The following POLI variants were observed in gnomAD, a reference collection of about 807,000 sequenced individuals.
POLI encodes the protein DNA polymerase iota.
In POLI, 58 loss-of-function variants were observed where a neutral mutation model predicts 51.6. The observed-to-expected ratio is 1.12, with a 90% CI of 0.91 to 1.40. The LOEUF (loss-of-function observed/expected upper bound fraction) is 1.40. Among genes scored for constraint, POLI ranks in the 40% most tolerant of loss-of-function variants. The pLI is 0.00. For missense variants in POLI, 921 were observed against 871.3 expected (o/e 1.06, Z -0.72); for synonymous variants, 322 against 299.7 (o/e 1.07, Z -0.77).
chr18:54,274,219 G>T, intron 3 of POLI, 129 bp downstream of exon 3: 1 of 437,712 alleles, frequency 2.3e-6, no homozygotes. Context: ...TCTTATTTTG[G>T]GTCTTGTCAA....
Position 54,297,175 on chromosome 18 carries a change from A to C in POLI, c.*2708A>C. 1.0e-6 allele frequency: 1 copy of C among 985,298 alleles called. No homozygotes were observed. The highest frequency in any genetic ancestry group is 1.2e-6 in the Non-Finnish European group (1 of 829,888). The allele number at this position is 985,298 out of a possible 1,614,324, so 61.0% of individuals were successfully genotyped here. ...GTCTCTGCAGGTCAATTCCAAACTA[A>C]CAGGCAGATGCTGTTAGCTATCTGC... On this transcript the variant is annotated 3_prime_UTR_variant, in exon 10 of 10. Transcript: ENST00000579534.
intron 5 of POLI, 74 bp downstream of exon 5, chr18:54,280,977 A>G (rs1418839995): frequency 6.5e-6 from 5 of 764,772 alleles, no homozygotes; most frequent in Non-Finnish European, 8.3e-6. Context: ...TATAGATACA[A>G]TGTAATTAAT....
In POLI at chr18:54,294,575, T is replaced by C; in HGVS notation, c.*108T>C. The stretch of plus-strand genomic sequence containing the variant: ...CACTAATAGATATTCAATAACGGAG[T>C]AAACTGTTCCAGATAAAGCAAGAAT... On this transcript the variant is annotated 3_prime_UTR_variant, in exon 10 of 10. Coordinates refer to ENST00000579534, the MANE Select transcript of POLI (RefSeq NM_007195.3). 2 of 1,375,664 alleles carry C rather than the reference T, an allele frequency of 1.5e-6. No homozygotes were observed. Among genetic ancestry groups the C allele is most frequent in the Non-Finnish European group, 1.9e-6 (2 of 1,069,188 alleles). The allele number at this position is 1,375,664 out of a possible 1,614,324, so 85.2% of individuals were successfully genotyped here.
chr18:54,306,842 A>G (rs559691032), intron 3 of POLI, among the ~76,000 whole-genome samples: 177 of 152,028 alleles, frequency 1.2e-3, no homozygotes, highest in Non-Finnish European at 1.8e-3. Flanking sequence ...TTTCTTCTAG[A>G]TTTTCTAGTT....
chr18:54,304,669 A>T (rs138245320), intron 3 of POLI, among the ~76,000 whole-genome samples: 116,602 of 151,896 alleles, frequency 0.77, 45,578 homozygotes, highest in African/African-American at 0.93. Flanking sequence ...TAGCCCTTTG[A>T]CAGATGGGTA....
intron 4 of POLI, among the ~76,000 whole-genome samples, chr18:54,278,177 C>T (rs2087336431): frequency 6.6e-6 from 1 of 152,054 alleles, no homozygotes; most frequent in African/African-American, 2.4e-5. Context: ...GAAAGCCATA[C>T]CCAGCTGGGC....
At chr18:54,313,714 C>T (rs970700847) in intron 3 of POLI, among the ~76,000 whole-genome samples, 2 of 152,058 alleles carry the variant, frequency 1.3e-5, no homozygotes, top group Non-Finnish European at 2.9e-5. Context: ...CTTTTTGTAG[C>T]TATTGTGAAT....
chr18:54,313,543 G>C (rs933549098), intron 3 of POLI, among the ~76,000 whole-genome samples: 5 of 152,054 alleles, frequency 3.3e-5, no homozygotes, highest in African/African-American at 1.2e-4. Context: ...ATTACTCTGG[G>C]CACTATTACC....
At chr18:54,276,452 G>T (rs1414062057) in intron 3 of POLI, among the ~76,000 whole-genome samples, 1 of 152,182 alleles carries the variant, frequency 6.6e-6, no homozygotes, top group Admixed American at 6.5e-5. Flanking sequence ...TGATCCACCA[G>T]CTTCGTGCAT....
chr18:54,281,746 CT>C (rs34681381), intron 5 of POLI, among the ~76,000 whole-genome samples: 50,580 of 141,664 alleles, frequency 0.36, 9,859 homozygotes, highest in East Asian at 0.68. Context: ...GTTCTTGTAT[CT>C]TTTTTTTTTT....
At chr18:54,283,109 T>C (rs1599196964) in intron 6 of POLI, 94 bp downstream of exon 6, 1 of 766,914 alleles carries the variant, frequency 1.3e-6, no homozygotes. Context: ...ACTATTCTAG[T>C]TTGCTTAGTA....
rs764873220 is a variant in POLI at position 54,283,895 on chromosome 18, T to C, written c.976-27T>C. ...TAGATATAGTTATTTGAGTTTGTGC[T>C]AATCCTTATTTATGCTTCTTTGATA... is the stretch of plus-strand genomic sequence containing the variant. On this transcript the variant is annotated intron_variant, in intron 6 of 9. Transcript: ENST00000579534. 4 of 843,222 alleles carry C rather than the reference T, an allele frequency of 4.7e-6. No individual in the cohort carries two copies. The Admixed American group carries it at 9.8e-5, about 21-fold the overall frequency. The allele number at this position is 843,222 out of a possible 1,614,324, so 52.2% of individuals were successfully genotyped here. A position where few individuals can be genotyped will look rare whatever the true frequency, so the allele number is the denominator to read the frequency against.
intron 8 of POLI, among the ~76,000 whole-genome samples, chr18:54,289,198 G>GTTT (rs370999857): frequency 6.8e-5 from 9 of 132,698 alleles, no homozygotes; most frequent in East Asian, 4.2e-4. Context: ...CTGCTCAAGT[G>GTTT]TTTTTTTTTT....
At chr18:54,292,180 ATAATACC>A (rs1314489907) in intron 9 of POLI, 142 bp downstream of exon 9, 12 of 562,336 alleles carry the variant, frequency 2.1e-5, no homozygotes, top group Non-Finnish European at 2.8e-5. Flanking sequence ...TAACTTGTTT[ATAATACC>A]TATCTTATGG....
At chr18:54,287,202 T>C in intron 7 of POLI, 79 bp from the exon 8 acceptor site, 1 of 1,040,874 alleles carries the variant, frequency 9.6e-7, no homozygotes, top group Non-Finnish European at 1.4e-6. Flanking sequence ...TCTGGCACCT[T>C]TAGATAAATG....
rs528426349 is a variant in POLI, at chr18:54,281,278, A to G, written c.796+375A>G. Among the ~76,000 whole-genome samples the G allele has an allele frequency of 5.9e-5, 9 of 152,286 alleles. 1 individual carries two copies. In the South Asian group the frequency reaches 1.9e-3, roughly 32 times the overall value. On this transcript the variant is annotated intron_variant, in intron 5 of 9. Coordinates refer to ENST00000579534, the MANE Select transcript of POLI (RefSeq NM_007195.3). Reference sequence around the variant, plus strand: ...TTTACTAACTCTTTTGGGATTACATATAAAATATTAAGGCTACAATGGACT... The same window carrying G: ...TTTACTAACTCTTTTGGGATTACATGTAAAATATTAAGGCTACAATGGACT...
At chr18:54,309,056 A>C (rs2088632252) in intron 3 of POLI, among the ~76,000 whole-genome samples, 1 of 152,078 alleles carries the variant, frequency 6.6e-6, no homozygotes, top group Non-Finnish European at 1.5e-5. Flanking sequence ...GAAATTTGTT[A>C]TTACCAACTT....
Position 54,296,459 on chromosome 18 carries a change from G to C in POLI, c.*1992G>C, listed in dbSNP as rs2088334481. ...TCTCTTTTTTCTTTGGTGCTTTGCA[G>C]GTTTACTGTATTATTTGGAAGTGCG... is the stretch of plus-strand genomic sequence containing the variant. On this transcript the variant is annotated 3_prime_UTR_variant, in exon 10 of 10. Coordinates refer to ENST00000579534, the MANE Select transcript of POLI (RefSeq NM_007195.3). The C allele has an allele frequency of 1.4e-6, 1 of 717,330 alleles. No homozygotes were observed. Among genetic ancestry groups the C allele is most frequent in the Non-Finnish European group, 1.7e-6 (1 of 585,654 alleles). The allele number at this position is 717,330 out of a possible 1,614,324, so 44.4% of individuals were successfully genotyped here.
intron 3 of POLI, among the ~76,000 whole-genome samples, chr18:54,319,471 A>G (rs1443035253): frequency 6.6e-6 from 1 of 152,162 alleles, no homozygotes; most frequent in African/African-American, 2.4e-5. Flanking sequence ...AAATATAAAC[A>G]TTTTTGTTTT....
Sources: gnomAD v4.1 joint callset for allele counts (sites outside exome capture counted in the v4.1 genomes callset) on GRCh38, gnomAD v4.1.1 for gene constraint, MANE v1.5 for transcripts, NCBI Gene and HGNC (gene_info 2026-07-23, HGNC 2026-07-21) for gene names.